Variants in C19orf38 observed in about 807,000 individuals in gnomAD.
C19orf38 encodes the protein protein HIDE1.
In C19orf38, 14 loss-of-function variants were observed where a neutral mutation model predicts 26.6. The observed-to-expected ratio is 0.53, with a 90% CI of 0.35 to 0.82. The LOEUF is 0.82. Among genes scored for constraint, C19orf38 ranks in the 40% least tolerant of loss-of-function variants. The probability of loss-of-function intolerance (pLI) is 0.01; values close to 1 mark genes in which losing one functional copy is unlikely to be tolerated. For missense variants in C19orf38, 261 were observed against 299.5 expected, an observed-to-expected ratio of 0.87 and a Z score of 0.95; for synonymous variants, 132 against 128.5, an observed-to-expected ratio of 1.03 and a Z score of -0.18.
chr19:10,857,649 G>A (rs1392058455), intron 3 of C19orf38, among the ~76,000 whole-genome samples: 5 of 151,596 alleles, frequency 3.3e-5, no homozygotes, highest in Admixed American at 2.0e-4. Flanking sequence ...TTGGGAGGCC[G>A]AGGTGGGCAG....
At chr19:10,846,207 T>G (rs1048258678), upstream of C19orf38, among the ~76,000 whole-genome samples, 21 of 151,748 alleles carry the variant, frequency 1.4e-4, no homozygotes, top group African/African-American at 3.6e-4. Context: ...TTTTGTTGTT[T>G]TTTTTTTGAG....
At chr19:10,858,234 A>AAG in intron 3 of C19orf38, 82 bp from the exon 4 acceptor site, 2 of 1,137,906 alleles carry the variant, frequency 1.8e-6, no homozygotes, top group Non-Finnish European at 2.4e-6. Flanking sequence ...TCTAAAAAAA[A>AAG]AAAAAAAAAA....
upstream of C19orf38, among the ~76,000 whole-genome samples, chr19:10,847,944 G>A (rs1478366945): frequency 6.6e-6 from 1 of 152,152 alleles, no homozygotes; most frequent in East Asian, 2.0e-4. Flanking sequence ...TGAAATCCCA[G>A]CACTTTGGGA....
chr19:10,855,993 A>G (rs944381671), intron 2 of C19orf38, among the ~76,000 whole-genome samples: 2 of 152,174 alleles, frequency 1.3e-5, no homozygotes, highest in Admixed American at 6.6e-5. Context: ...AATGCTAGCC[A>G]GAGGAGTAAA....
intron 1 of C19orf38, among the ~76,000 whole-genome samples, chr19:10,838,181 C>G (rs1208249326): frequency 6.6e-6 from 1 of 152,156 alleles, no homozygotes; most frequent in Non-Finnish European, 1.5e-5. Context: ...GAGGCCAAGG[C>G]AGGCGGATCA....
rs542261521 is a variant in C19orf38 at position 10,863,206 on chromosome 19, C to A, written c.542C>A (p.Ala181Glu). ...GATAACTCCCTGTTTACCGTCTCCG[C>A]GGTGAGTGGTTCTTTTTCTTGGAAC... ...SFDNSLFTVS[A>E]KTMPEEDPAT... The change falls in exon 6 of 7, where the codon GCG becomes GAG. Residue 181 changes from alanine (A) to glutamate (E), a missense_variant and splice_region_variant. Coordinates refer to ENST00000397820, the MANE Select transcript of C19orf38 (RefSeq NM_001136482.3). 1.9e-6 allele frequency: 3 copies of A among 1,551,242 alleles called. No homozygotes were observed. The South Asian group carries it at 3.6e-5, about 18-fold the overall frequency.
chr19:10,851,986 A>G (rs2073577881), intron 2 of C19orf38, among the ~76,000 whole-genome samples: 1 of 151,176 alleles, frequency 6.6e-6, no homozygotes, highest in African/African-American at 2.4e-5. Flanking sequence ...AAAAAAAAAA[A>G]AAAAAAAATA....
intron 1 of C19orf38, among the ~76,000 whole-genome samples, chr19:10,840,756 A>G (rs762884097): frequency 6.6e-6 from 1 of 152,160 alleles, no homozygotes; most frequent in African/African-American, 2.4e-5. Flanking sequence ...TGACCTCGTG[A>G]TCTGCCTGCC....
chr19:10,842,986 G>A (rs769369049), intron 1 of C19orf38, among the ~76,000 whole-genome samples: 42 of 152,348 alleles, frequency 2.8e-4, no homozygotes, highest in Non-Finnish European at 5.0e-4. Flanking sequence ...GAAGGGTGAA[G>A]ATGGGAGGAG....
At chr19:10,838,692 G>A (rs539541654) in intron 1 of C19orf38, among the ~76,000 whole-genome samples, 2 of 152,292 alleles carry the variant, frequency 1.3e-5, no homozygotes, top group South Asian at 4.1e-4. Flanking sequence ...CTGCTACAGA[G>A]AGGAGTCCCA....
intron 1 of C19orf38, among the ~76,000 whole-genome samples, chr19:10,838,079 A>T (rs963761076): frequency 1.4e-4 from 22 of 152,138 alleles, no homozygotes; most frequent in African/African-American, 4.1e-4. Context: ...ACTAAAATTG[A>T]TTTTTTTAAA....
chr19:10,839,353 C>G (rs2073462499), intron 1 of C19orf38, among the ~76,000 whole-genome samples: 1 of 152,308 alleles, frequency 6.6e-6, no homozygotes, highest in Non-Finnish European at 1.5e-5. Flanking sequence ...GCTTCCTTAT[C>G]TATGTTTGCA....
At chr19:10,862,773 G>A (rs1307605021) in intron 5 of C19orf38, among the ~76,000 whole-genome samples, 1 of 152,026 alleles carries the variant, frequency 6.6e-6, no homozygotes, top group East Asian at 1.9e-4. Flanking sequence ...AAGTTGCATT[G>A]AGCCGAGATC....
intron 1 of C19orf38, among the ~76,000 whole-genome samples, chr19:10,837,538 C>A (rs1265457437): frequency 7.6e-6 from 1 of 130,984 alleles, no homozygotes; most frequent in Non-Finnish European, 1.6e-5. Context: ...ACAGAGTCTC[C>A]CTCTGTTGCC....
At chr19:10,867,905 G>C (rs183559185) in intron 6 of C19orf38, among the ~76,000 whole-genome samples, 1 of 151,670 alleles carries the variant, frequency 6.6e-6, no homozygotes, top group African/African-American at 2.4e-5. Context: ...CGCCCGCCTC[G>C]ACCTCCCAAA....
upstream of C19orf38, among the ~76,000 whole-genome samples, chr19:10,844,037 C>T (rs529803701): frequency 2.3e-4 from 35 of 151,832 alleles, no homozygotes; most frequent in African/African-American, 8.0e-4. Context: ...CACTTAAACC[C>T]GGAAGATGGA....
intron 2 of C19orf38, among the ~76,000 whole-genome samples, chr19:10,851,306 C>T (rs968196390): frequency 2.6e-5 from 4 of 151,552 alleles, no homozygotes; most frequent in African/African-American, 9.7e-5. Flanking sequence ...CCTACCTCAG[C>T]CTCCCAAAGT....
Position 10,860,293 on chromosome 19 carries a change from G to A in C19orf38, c.505+335G>A, listed in dbSNP as rs2073683430. On this transcript the variant is annotated intron_variant, in intron 5 of 6. Transcript: ENST00000397820. ...TCACAACTGTCATCCCAGCACTTTA[G>A]GAGGCTGAGGCAGGCAGATCACGAG... Among the ~76,000 whole-genome samples, 3 of 152,132 alleles carry A rather than the reference G, an allele frequency of 2.0e-5. No homozygotes were observed. The South Asian group carries it at 6.2e-4, about 32-fold the overall frequency.
At chr19:10,837,423 C>G (rs1599651280) in intron 1 of C19orf38, among the ~76,000 whole-genome samples, 1 of 149,832 alleles carries the variant, frequency 6.7e-6, no homozygotes, top group East Asian at 1.9e-4. Flanking sequence ...TTTACACTCA[C>G]TGCTTGGACA....
Sources: allele counts gnomAD v4.1 joint callset (sites outside exome capture counted in the v4.1 genomes callset), GRCh38; gene constraint gnomAD v4.1.1; transcripts MANE v1.5; gene names NCBI Gene and HGNC (gene_info 2026-07-23, HGNC 2026-07-21).